Variants in EVC2 observed in about 807,000 individuals in gnomAD.
EVC2 encodes the protein EvC ciliary complex subunit 2, also known as limbin.
A neutral mutation model predicts 149.3 loss-of-function variants in EVC2; 148 were observed. That is an observed-to-expected ratio of 0.99 (90% confidence interval 0.87 to 1.14). The LOEUF (loss-of-function observed/expected upper bound fraction) is 1.14. Ranked by LOEUF, EVC2 falls within the 50% of genes most tolerant of loss-of-function variation. The pLI is 0.00. For synonymous variants in EVC2, 776 were observed against 649.9 expected (o/e 1.19, Z -2.95); for missense variants, 1,854 against 1,627.3 (o/e 1.14, Z -2.40).
chr4:5,682,675 AT>A (rs1485960468), intron 6 of EVC2, among the ~76,000 whole-genome samples: 1 of 150,878 alleles, frequency 6.6e-6, no homozygotes, highest in African/African-American at 2.4e-5. Flanking sequence ...CCTGGCCAAC[AT>A]GGTGAAACCC....
At chr4:5,706,321 C>CATACATAGATAGATAGATAGATAGATAG (rs1722132944) in intron 1 of EVC2, among the ~76,000 whole-genome samples, 1 of 26,508 alleles carries the variant, frequency 3.8e-5, no homozygotes, top group Admixed American at 3.9e-4. Flanking sequence ...TAGATAGATA[C>CATACATAGATAGATAGATAGATAGATAG]ATAGATAGAT....
intron 16 of EVC2, among the ~76,000 whole-genome samples, chr4:5,585,918 G>C (rs1053668868): frequency 4.6e-5 from 7 of 152,168 alleles, no homozygotes; most frequent in African/African-American, 1.4e-4. Context: ...CTGGAGTGCA[G>C]TGGTGCAATC....
At chr4:5,571,250 G>A (rs1678680294) in intron 19 of EVC2, among the ~76,000 whole-genome samples, 1 of 150,066 alleles carries the variant, frequency 6.7e-6, no homozygotes, top group Non-Finnish European at 1.5e-5. Context: ...CCAGGGAGGT[G>A]GAGGTTGCAG....
intron 21 of EVC2, among the ~76,000 whole-genome samples, chr4:5,545,706 A>T (rs944394309): frequency 2.0e-5 from 3 of 152,168 alleles, no homozygotes; most frequent in African/African-American, 7.2e-5. Flanking sequence ...ATCCCTTGCA[A>T]GTTGGGGTGG....
At chr4:5,651,055 AATGGACAG>A (rs1271058248) in intron 9 of EVC2, among the ~76,000 whole-genome samples, 41 of 152,216 alleles carry the variant, frequency 2.7e-4, no homozygotes, top group African/African-American at 8.9e-4. Context: ...TGCATGGGTG[AATGGACAG>A]ATGGACAGAT....
intron 14 of EVC2, among the ~76,000 whole-genome samples, chr4:5,620,559 T>C (rs996186121): frequency 6.6e-6 from 1 of 152,214 alleles, no homozygotes; most frequent in East Asian, 1.9e-4. Flanking sequence ...TTCAAATCTA[T>C]TGTGCAAAAC....
intron 9 of EVC2, among the ~76,000 whole-genome samples, chr4:5,658,800 G>C (rs1227158347): frequency 6.6e-6 from 1 of 152,232 alleles, no homozygotes; most frequent in African/African-American, 2.4e-5. Flanking sequence ...CGAGAGAGTT[G>C]TGAGAATTAA....
At chr4:5,693,285 G>C (rs1172026485) in intron 3 of EVC2, among the ~76,000 whole-genome samples, 2 of 152,164 alleles carry the variant, frequency 1.3e-5, no homozygotes, top group African/African-American at 4.8e-5. Flanking sequence ...CTGATCCCCA[G>C]AACCTGTGTA....
chr4:5,667,954 C>G (rs1277375520), intron 7 of EVC2, among the ~76,000 whole-genome samples: 1 of 152,196 alleles, frequency 6.6e-6, no homozygotes. Context: ...TTTCCAGACA[C>G]CAGCCCAGGA....
At chr4:5,578,706 GGA>G (rs141683533) in intron 17 of EVC2, among the ~76,000 whole-genome samples, 9 of 151,820 alleles carry the variant, frequency 5.9e-5, no homozygotes, top group East Asian at 3.9e-4. Flanking sequence ...ACAGAAACGG[GGA>G]GAGAGAGAGA....
At position 5,663,212 on chromosome 4, in the gene EVC2, G is replaced by T. The variant is rs199708349; in HGVS notation, c.1040C>A (p.Pro347Gln). The change falls in exon 9 of 22, where the codon CCG becomes CAG. Residue 347 changes from proline (P) to glutamine (Q), a missense_variant. Coordinates refer to ENST00000344408, the MANE Select transcript of EVC2 (RefSeq NM_147127.5). ...WQYESKLEPLPFTSADGVNED... is the reference protein window; with the variant it reads ...WQYESKLEPLQFTSADGVNED... ...ATTCACGCCATCAGCTGAGGTGAAC[G>T]GCAAGGGTTCCAGCTTGCTCTCATA... The T allele has an allele frequency of 1.9e-6, 3 of 1,614,118 alleles. No homozygotes were observed. The highest frequency in any genetic ancestry group is 2.5e-6 in the Non-Finnish European group (3 of 1,180,012).
exon 23 of EVC2, chr4:5,542,836 C>A: frequency 7.2e-6 from 2 of 278,250 alleles, no homozygotes; most frequent in South Asian, 3.6e-5. Flanking sequence ...ATTGTGTCAG[C>A]GCAGTGTGCC....
At chr4:5,702,816 G>A (rs1248135022) in intron 1 of EVC2, among the ~76,000 whole-genome samples, 2 of 152,280 alleles carry the variant, frequency 1.3e-5, no homozygotes, top group South Asian at 2.1e-4. Context: ...ACAAGTCTGG[G>A]TGGACATCTT....
downstream of EVC2, among the ~76,000 whole-genome samples, chr4:5,541,817 G>A (rs1385747491): frequency 2.6e-5 from 4 of 152,110 alleles, no homozygotes; most frequent in Admixed American, 6.5e-5. Context: ...GTTACATGGC[G>A]GGGCCTGTTC....
chr4:5,630,996 GTGTGCATGCACT>G (rs1471926195), intron 11 of EVC2, among the ~76,000 whole-genome samples: 1 of 152,202 alleles, frequency 6.6e-6, no homozygotes, highest in Non-Finnish European at 1.5e-5. Flanking sequence ...GTGTGCCTGT[GTGTGCATGCACT>G]TGTGCATGTA....
At chr4:5,587,469 T>C (rs116185411) in intron 16 of EVC2, among the ~76,000 whole-genome samples, 1,913 of 152,348 alleles carry the variant, frequency 0.013, 16 homozygotes, top group South Asian at 0.042. Flanking sequence ...TCATATTCCA[T>C]TGGATGGACA....
At chr4:5,531,468 G>A in the EVC2 span, among the ~76,000 whole-genome samples, 1 of 152,204 alleles carries the variant, frequency 6.6e-6, no homozygotes, top group Non-Finnish European at 1.5e-5. Flanking sequence ...AACAGGAGGT[G>A]AGTGAGCTAA....
Position 5,562,450 on chromosome 4 carries a change from CA to C in EVC2, c.*397del, listed in dbSNP as rs1332813410. ...TTGTAATAAACAGCTTTGTGCAAAA[CA>C]CATTTATTTTTTAAAATTCCCTTTA... On this transcript the variant is annotated 3_prime_UTR_variant, in exon 22 of 22. Coordinates refer to ENST00000344408, the MANE Select transcript of EVC2 (RefSeq NM_147127.5). This position sits in a 1 kb window ranked among gnomAD's most constrained non-coding sequence, Gnocchi z 4.3. The C allele has an allele frequency of 3.0e-5, 32 of 1,056,622 alleles. No individual in the cohort carries two copies. The highest frequency in any genetic ancestry group is 3.5e-5 in the Non-Finnish European group (30 of 868,756). The allele number at this position is 1,056,622 out of a possible 1,614,324, so 65.5% of individuals were successfully genotyped here. A position where few individuals can be genotyped will look rare whatever the true frequency, so the allele number is the denominator to read the frequency against.
intron 1 of EVC2, among the ~76,000 whole-genome samples, chr4:5,698,815 T>A (rs1296865639): frequency 6.6e-6 from 1 of 152,238 alleles, no homozygotes; most frequent in East Asian, 1.9e-4. Context: ...GGCTGGTTTC[T>A]GTGTAATGGA....
Sources: gnomAD v4.1 joint callset for allele counts (sites outside exome capture counted in the v4.1 genomes callset) on GRCh38, gnomAD v4.1.1 for gene constraint, Gnocchi (gnomAD v3.1) non-coding constraint, MANE v1.5 for transcripts, NCBI Gene and HGNC (gene_info 2026-07-23, HGNC 2026-07-21) for gene names.